Variants in TUBGCP5 observed in about 807,000 individuals in gnomAD.
TUBGCP5 encodes the protein tubulin gamma complex component 5.
TUBGCP5 carries 98 observed loss-of-function variants against 134.7 expected under a neutral mutation model. The ratio of observed to expected loss-of-function variants is 0.73; its 90% CI spans 0.62 to 0.86. TUBGCP5 has a LOEUF of 0.86. TUBGCP5 is among the 40% of genes least tolerant of loss of function. The probability of loss-of-function intolerance (pLI) is 0.00; values close to 1 mark genes in which losing one functional copy is unlikely to be tolerated. For synonymous variants in TUBGCP5, 456 were observed against 431.4 expected, an observed-to-expected ratio of 1.06 and a Z score of -0.71; for missense variants, 1,150 against 1,244.8, an observed-to-expected ratio of 0.92 and a Z score of 1.15.
At position 23,004,317 on chromosome 15, in the gene TUBGCP5, T is replaced by C. The variant is rs1417823112; in HGVS notation, c.2713-90A>G. 3 of 1,457,626 alleles carry C rather than the reference T, an allele frequency of 2.1e-6. No homozygotes were observed. The South Asian group carries it at 3.8e-5, about 18-fold the overall frequency. 90.3% of individuals were successfully genotyped at this position (1,457,626 alleles called of 1,614,324 possible). A position where few individuals can be genotyped will look rare whatever the true frequency, so the allele number is the denominator to read the frequency against. ...AATCTTTTTTACTAAGCTCTTCTAC[T>C]CCTCTCAAATTCTTCCTTCAATAAG... On this transcript the variant is annotated intron_variant, in intron 19 of 22. Coordinates refer to ENST00000615383, the MANE Select transcript of TUBGCP5 (RefSeq NM_052903.6).
At chr15:22,989,131 C>G (rs1200409537) in intron 23 of TUBGCP5, among the ~76,000 whole-genome samples, 1 of 152,140 alleles carries the variant, frequency 6.6e-6, no homozygotes, top group East Asian at 1.9e-4. Flanking sequence ...ACGTCTCTAT[C>G]TCAAGTCAGT....
intron 23 of TUBGCP5, among the ~76,000 whole-genome samples, chr15:22,988,735 C>CA (rs71117462): frequency 0.75 from 102,921 of 137,858 alleles, 38,542 homozygotes; most frequent in East Asian, 0.87. Context: ...GACTCCGTCT[C>CA]AAAAAAAAAA....
At chr15:22,993,525 G>GTTGTTTTTTTT (rs1567083011) in intron 23 of TUBGCP5, among the ~76,000 whole-genome samples, 5 of 69,288 alleles carry the variant, frequency 7.2e-5, no homozygotes, top group African/African-American at 3.0e-4. Context: ...AGCCCCCGAA[G>GTTGTTTTTTTT]TTTTTTTTTT....
At position 22,991,528 on chromosome 15, in the gene TUBGCP5, C is replaced by T. The variant is rs552895397; in HGVS notation, c.*61+5317G>A. Among the ~76,000 whole-genome samples, 51 of 152,236 alleles carry T rather than the reference C, an allele frequency of 3.4e-4. 2 individuals are homozygous for T. The South Asian group carries it at 9.8e-3, about 29-fold the overall frequency. ...TGCAAGACCATGAGGGAGGCGCTGG[C>T]GGAGGCTTGGGGAGAGGCAGGGAGC... On this transcript the variant is annotated intron_variant and NMD_transcript_variant, in intron 23 of 23. Transcript: ENST00000614508.
At chr15:23,017,083 T>A (rs1448923078) in intron 13 of TUBGCP5, among the ~76,000 whole-genome samples, 1 of 150,860 alleles carries the variant, frequency 6.6e-6, no homozygotes, top group Non-Finnish European at 1.5e-5. Flanking sequence ...GAACAGAAAG[T>A]TAAACACTGC....
intron 11 of TUBGCP5, among the ~76,000 whole-genome samples, chr15:23,020,603 A>G (rs1049870000): frequency 2.0e-4 from 30 of 150,834 alleles, no homozygotes; most frequent in Non-Finnish European, 2.7e-4. Context: ...AAAAAAAAAA[A>G]AAAGAAAAAA....
At chr15:23,026,233 T>C (rs1283311133) in intron 7 of TUBGCP5, 28 bp from the exon 8 acceptor site, 9 of 1,587,096 alleles carry the variant, frequency 5.7e-6, no homozygotes, top group East Asian at 4.5e-5. Flanking sequence ...TAAATGTCAA[T>C]AGAAAGGTTT....
intron 6 of TUBGCP5, among the ~76,000 whole-genome samples, chr15:23,028,505 G>A (rs755738439): frequency 6.6e-6 from 1 of 151,296 alleles, no homozygotes; most frequent in African/African-American, 2.4e-5. Context: ...AAAATCTATC[G>A]ATGCATTATT....
exon 24 of TUBGCP5, chr15:22,983,418 A>G (rs1228978719): frequency 6.6e-6 from 1 of 152,170 alleles, no homozygotes; most frequent in Non-Finnish European, 1.5e-5. Flanking sequence ...TATAGACTAT[A>G]TATTTTTCTA....
rs1567109733 is a variant in TUBGCP5, at chr15:23,006,337, A to G, written c.2343T>C (p.Phe781=). 1.2e-6 allele frequency: 2 copies of G among 1,606,084 alleles called. No individual in the cohort carries two copies. The highest frequency in any genetic ancestry group is 1.7e-4 in the Middle Eastern group (1 of 6,038). ...TCTTCTTAGCTGTGTCAACATTTTC[A>G]AAAGATATAGATAGACTAAAGAAAG... ...PEDSSRLSIS[F]ENVDTAKKKL... The change falls in exon 17 of 23, where the codon TTT becomes TTC. Residue 781 remains phenylalanine, a synonymous_variant. Transcript: ENST00000615383.
intron 13 of TUBGCP5, among the ~76,000 whole-genome samples, chr15:23,016,723 A>G (rs897396091): frequency 6.6e-6 from 1 of 151,840 alleles, no homozygotes; most frequent in Non-Finnish European, 1.5e-5. Context: ...CTCTTACACA[A>G]TGTTGGTGGG....
At chr15:23,030,738 ACATTACTAATGGTTTT>A in intron 6 of TUBGCP5, 131 bp downstream of exon 6, 1 of 749,714 alleles carries the variant, frequency 1.3e-6, no homozygotes, top group East Asian at 2.8e-5. Flanking sequence ...ATCATAGAAA[ACATTACTAATGGTTTT>A]AAAAATTGGT....
chr15:23,034,711 TA>T, intron 3 of TUBGCP5, among the ~76,000 whole-genome samples: 1 of 151,904 alleles, frequency 6.6e-6, no homozygotes, highest in Non-Finnish European at 1.5e-5. Flanking sequence ...ATACAAAAAT[TA>T]GCCGGGCGGG....
intron 23 of TUBGCP5, among the ~76,000 whole-genome samples, chr15:22,984,610 C>T (rs1350340763): frequency 6.7e-6 from 1 of 148,532 alleles, no homozygotes; most frequent in African/African-American, 2.5e-5. Flanking sequence ...CAGAGAGAGA[C>T]TCCGTGTTAA....
chr15:22,994,027 A>G (rs2063955006), intron 23 of TUBGCP5, among the ~76,000 whole-genome samples: 1 of 151,876 alleles, frequency 6.6e-6, no homozygotes, highest in Non-Finnish European at 1.5e-5. Context: ...CTTTAGTGAC[A>G]CTAAAGGCTC....
chr15:23,015,612 A>C (rs546964932), intron 13 of TUBGCP5, among the ~76,000 whole-genome samples: 6 of 152,180 alleles, frequency 3.9e-5, no homozygotes, highest in African/African-American at 1.4e-4. Flanking sequence ...ACTGCACTCC[A>C]GCCTAGGTAA....
chr15:23,023,110 CCG>C (rs1183486084), intron 10 of TUBGCP5: 5 of 152,102 alleles, frequency 3.3e-5, no homozygotes, highest in Admixed American at 2.6e-4. Context: ...CAGCTTATGC[CCG>C]TAATCCCAGC....
intron 1 of TUBGCP5, among the ~76,000 whole-genome samples, chr15:23,037,481 A>T (rs1023237531): frequency 5.3e-5 from 8 of 152,034 alleles, no homozygotes; most frequent in African/African-American, 1.9e-4. Flanking sequence ...TGCCATAGTG[A>T]GGCCCGGTGA....
At chr15:22,998,780 A>G (rs1426506193), downstream of TUBGCP5, among the ~76,000 whole-genome samples, 1 of 151,996 alleles carries the variant, frequency 6.6e-6, no homozygotes, top group East Asian at 1.9e-4. Context: ...ACACCTGGCT[A>G]ATTTTTTTGT....
Sources: gnomAD v4.1 joint callset for allele counts (sites outside exome capture counted in the v4.1 genomes callset) on GRCh38, gnomAD v4.1.1 for gene constraint, MANE v1.5 for transcripts, NCBI Gene and HGNC (gene_info 2026-07-23, HGNC 2026-07-21) for gene names.